Variants in CHSY3 observed in about 807,000 individuals in gnomAD.
CHSY3 encodes the protein chondroitin sulfate synthase 3.
Under a neutral mutation model 67.2 loss-of-function variants are expected in CHSY3, and 35 were observed. The observed-to-expected ratio is 0.52, with a 90% CI of 0.40 to 0.69. The LOEUF (loss-of-function observed/expected upper bound fraction) is 0.69, where lower values mean the gene tolerates loss of function less well. Ranked by LOEUF, CHSY3 falls within the 30% of genes least tolerant of loss-of-function variation. CHSY3 has a pLI of 0.00. For synonymous variants in CHSY3, 474 were observed against 434.7 expected (o/e 1.09, Z -1.12); for missense variants, 1,069 against 1,138.5 (o/e 0.94, Z 0.88).
chr5:129,997,550 C>T (rs1763578217), intron 2 of CHSY3, among the ~76,000 whole-genome samples: 1 of 151,928 alleles, frequency 6.6e-6, no homozygotes, highest in African/African-American at 2.4e-5. Flanking sequence ...GGTACATGTG[C>T]ACAATGCGCA....
chr5:130,131,287 C>G (rs1347929849), intron 2 of CHSY3, among the ~76,000 whole-genome samples: 1 of 152,098 alleles, frequency 6.6e-6, no homozygotes, highest in Non-Finnish European at 1.5e-5. Flanking sequence ...GGCTAAAAAG[C>G]CTTTTCTGTC....
chr5:130,036,989 C>A (rs74375297), intron 2 of CHSY3, among the ~76,000 whole-genome samples: 33 of 152,234 alleles, frequency 2.2e-4, no homozygotes, highest in Non-Finnish European at 4.0e-4. Flanking sequence ...TCTCCTAACT[C>A]ATGTGGCATG....
At chr5:129,995,282 T>C (rs936797444) in intron 2 of CHSY3, among the ~76,000 whole-genome samples, 1 of 152,116 alleles carries the variant, frequency 6.6e-6, no homozygotes, top group African/African-American at 2.4e-5. Flanking sequence ...ACAAATGATG[T>C]ATTTTTCTTA....
At chr5:130,056,064 C>T (rs1312705911) in intron 2 of CHSY3, among the ~76,000 whole-genome samples, 1 of 152,206 alleles carries the variant, frequency 6.6e-6, no homozygotes, top group East Asian at 1.9e-4. Context: ...GCCTATAATG[C>T]TGTATCTAAG....
At chr5:130,036,085 G>T (rs1445000229) in intron 2 of CHSY3, among the ~76,000 whole-genome samples, 3 of 151,884 alleles carry the variant, frequency 2.0e-5, no homozygotes, top group Non-Finnish European at 4.4e-5. Context: ...AAAAATATGG[G>T]AAGATAGATT....
At chr5:130,090,173 C>G (rs1766828668) in intron 2 of CHSY3, among the ~76,000 whole-genome samples, 1 of 152,156 alleles carries the variant, frequency 6.6e-6, no homozygotes, top group Non-Finnish European at 1.5e-5. Flanking sequence ...ATTTGCCTTC[C>G]TCTTCCACTC....
chr5:129,989,543 C>T (rs1580619820), intron 2 of CHSY3, among the ~76,000 whole-genome samples: 1 of 152,184 alleles, frequency 6.6e-6, no homozygotes. Context: ...TTAAGCCTCA[C>T]TTTCCAACAC....
chr5:130,086,094 G>C (rs1191671088), intron 2 of CHSY3, among the ~76,000 whole-genome samples: 7 of 152,002 alleles, frequency 4.6e-5, no homozygotes, highest in Admixed American at 2.0e-4. Flanking sequence ...CTGTTGATTT[G>C]GGGTGGAGAG....
At chr5:130,181,226 G>C (rs1019808682) in intron 2 of CHSY3, among the ~76,000 whole-genome samples, 4 of 152,106 alleles carry the variant, frequency 2.6e-5, no homozygotes, top group African/African-American at 9.7e-5. Context: ...TTCTTTAAAG[G>C]AGAGGAAGCC....
intron 2 of CHSY3, chr5:130,141,464 G>A (rs1283184070): frequency 2.8e-6 from 1 of 359,188 alleles, no homozygotes; most frequent in African/African-American, 2.2e-5. Context: ...TGATATTGAT[G>A]ATAATGGCAT....
intron 2 of CHSY3, among the ~76,000 whole-genome samples, chr5:130,056,910 ATTTC>A (rs1310378209): frequency 0.015 from 1,995 of 131,116 alleles, 68 homozygotes; most frequent in African/African-American, 0.053. Flanking sequence ...TATTTTTAGC[ATTTC>A]TTTCTTTTTT....
At chr5:130,168,845 C>T (rs1416017480) in intron 2 of CHSY3, among the ~76,000 whole-genome samples, 1 of 152,052 alleles carries the variant, frequency 6.6e-6, no homozygotes, top group Non-Finnish European at 1.5e-5. Context: ...ACACAGCTGT[C>T]TATGAATGTG....
chr5:130,151,618 G>A (rs1017379432), intron 2 of CHSY3, among the ~76,000 whole-genome samples: 7 of 152,180 alleles, frequency 4.6e-5, no homozygotes, highest in African/African-American at 9.7e-5. Context: ...GAAGCCTCAG[G>A]AAACTTACAG....
chr5:130,148,261 G>T (rs1185741697), intron 2 of CHSY3, among the ~76,000 whole-genome samples: 1 of 152,112 alleles, frequency 6.6e-6, no homozygotes, highest in African/African-American at 2.4e-5. Flanking sequence ...AGTATTCCAT[G>T]GTGTATATGT....
At position 129,953,299 on chromosome 5, in the gene CHSY3, C is replaced by T. The variant is rs182570306; in HGVS notation, c.1086+44939C>T. On this transcript the variant is annotated intron_variant, in intron 2 of 2. Coordinates refer to ENST00000305031, the MANE Select transcript of CHSY3 (RefSeq NM_175856.5). ...CCAGCTTCATCCATGTCTCTGCAAA[C>T]GACATGAACTCATCCTTTTTTATGT... 2.8e-4 allele frequency among the ~76,000 whole-genome samples: 43 copies of T among 152,156 alleles called. 1 individual carries two copies. The highest frequency in any genetic ancestry group is 1.9e-3 in the Admixed American group (29 of 15,244).
chr5:129,905,318 C>G lies in CHSY3; in HGVS notation c.489C>G (p.Ala163=). 6 of 1,519,388 alleles carry G rather than the reference C, an allele frequency of 3.9e-6. No individual in the cohort carries two copies. Among genetic ancestry groups the G allele is most frequent in the Non-Finnish European group, 4.4e-6 (5 of 1,137,750 alleles). 94.1% of individuals were successfully genotyped at this position (1,519,388 alleles called of 1,614,324 possible). The change falls in exon 1 of 3, where the codon GCC becomes GCG. Residue 163 remains alanine, a synonymous_variant. Coordinates refer to ENST00000305031, the MANE Select transcript of CHSY3 (RefSeq NM_175856.5). ...ACGGCAGCGGGGACGGGGGCGCTGC[C>G]GCCCCGAGCGCCCGACCCCGGGACT... The part of the protein sequence containing the change: ...SHNGSGDGGA[A]APSARPRDFL...
chr5:130,165,837 TTC>T (rs1769731866), intron 2 of CHSY3, among the ~76,000 whole-genome samples: 1 of 152,108 alleles, frequency 6.6e-6, no homozygotes, highest in African/African-American at 2.4e-5. Context: ...TGAAATATGA[TTC>T]TGAGTCATTT....
intron 2 of CHSY3, among the ~76,000 whole-genome samples, chr5:129,910,696 T>C (rs964629367): frequency 2.0e-5 from 3 of 152,022 alleles, no homozygotes; most frequent in Non-Finnish European, 4.4e-5. Context: ...ACAGCTAAAC[T>C]GGTTATAACA....
intron 2 of CHSY3, among the ~76,000 whole-genome samples, chr5:130,025,606 G>C (rs1205729818): frequency 6.6e-6 from 1 of 152,076 alleles, no homozygotes; most frequent in African/African-American, 2.4e-5. Context: ...TGTTCTGGAG[G>C]CTGAGAAGTC....
Sources: allele counts gnomAD v4.1 joint callset (sites outside exome capture counted in the v4.1 genomes callset), GRCh38; gene constraint gnomAD v4.1.1; transcripts MANE v1.5; gene names NCBI Gene and HGNC (gene_info 2026-07-23, HGNC 2026-07-21).